The following SLCO1B3 variants were observed in gnomAD, a reference collection of about 807,000 sequenced individuals.
SLCO1B3 encodes solute carrier organic anion transporter family member 1B3, also known as liver-specific organic anion transporter 2.
A neutral mutation model predicts 71.8 loss-of-function variants in SLCO1B3; 72 were observed. The observed-to-expected ratio is 1.00, with a 90% CI of 0.83 to 1.22. The LOEUF (loss-of-function observed/expected upper bound fraction) is 1.22. Ranked by LOEUF, SLCO1B3 falls within the 50% of genes most tolerant of loss-of-function variation. The pLI, the probability that SLCO1B3 is intolerant of heterozygous loss-of-function variation, is 0.00. For missense variants in SLCO1B3, 911 were observed against 819.7 expected, an observed-to-expected ratio of 1.11 and a Z score of -1.36; for synonymous variants, 298 against 278.4, an observed-to-expected ratio of 1.07 and a Z score of -0.70.
chr12:20,879,203 C>CT (rs1418926193), intron 10 of SLCO1B3, among the ~76,000 whole-genome samples: 5 of 65,838 alleles, frequency 7.6e-5, no homozygotes, highest in Admixed American at 1.9e-4. Context: ...CCACCCTTCT[C>CT]TCTTTTTTTT....
intron 4 of SLCO1B3, among the ~76,000 whole-genome samples, chr12:20,855,910 GTCTA>G (rs1865125179): frequency 6.6e-6 from 1 of 151,632 alleles, no homozygotes. Context: ...CCACCAAATT[GTCTA>G]TTATATAGAC....
At chr12:20,866,711 G>T (rs954446290) in intron 8 of SLCO1B3, among the ~76,000 whole-genome samples, 1 of 132,520 alleles carries the variant, frequency 7.5e-6, no homozygotes, top group African/African-American at 2.6e-5. Context: ...TTTTTAATCC[G>T]ATGAAAGTGC....
At chr12:20,879,210 T>A (rs1255337783) in intron 10 of SLCO1B3, among the ~76,000 whole-genome samples, 1 of 141,908 alleles carries the variant, frequency 7.0e-6, no homozygotes, top group Non-Finnish European at 1.5e-5. Context: ...TCTCTCTTTT[T>A]TTTTTTTTTT....
At chr12:20,904,700 T>C (rs1165397444) in intron 15 of SLCO1B3, among the ~76,000 whole-genome samples, 1 of 150,558 alleles carries the variant, frequency 6.6e-6, no homozygotes, top group African/African-American at 2.5e-5. Context: ...TGCCCTAGTA[T>C]AGGTTTTTCA....
chr12:20,881,746 A>G (rs1591778778), intron 12 of SLCO1B3, among the ~76,000 whole-genome samples: 1 of 152,162 alleles, frequency 6.6e-6, no homozygotes, highest in Admixed American at 6.5e-5. Context: ...ATTGGAAATT[A>G]GGTATGCTGT....
intron 1 of SLCO1B3, among the ~76,000 whole-genome samples, chr12:20,812,855 G>A (rs11045524): frequency 0.24 from 36,133 of 151,930 alleles, 4,631 homozygotes; most frequent in Middle Eastern, 0.35. Context: ...AAGACTATCT[G>A]CCTTGCAAGT....
At position 20,916,350 on chromosome 12, in the gene SLCO1B3, C is replaced by T. The variant is rs926522870; in HGVS notation, c.*103C>T. 3 of 1,094,356 alleles carry T rather than the reference C, an allele frequency of 2.7e-6. No individual in the cohort carries two copies. The African/African-American group carries it at 4.7e-5, about 17-fold the overall frequency. 67.8% of individuals were successfully genotyped at this position (1,094,356 alleles called of 1,614,324 possible). The stretch of plus-strand genomic sequence containing the variant: ...CAGTGGACCAATGGATAAGTCTATG[C>T]ATCTATAATAAACTATAAAAAATGG... On this transcript the variant is annotated 3_prime_UTR_variant, in exon 16 of 16. Coordinates refer to ENST00000381545, the MANE Select transcript of SLCO1B3 (RefSeq NM_019844.4).
chr12:20,867,631 G>C (rs1411076617), intron 8 of SLCO1B3, among the ~76,000 whole-genome samples: 1 of 152,194 alleles, frequency 6.6e-6, no homozygotes, highest in Non-Finnish European at 1.5e-5. Context: ...TCTGGCAGAA[G>C]TGTTCTGATT....
chr12:20,876,109 A>G (rs1865573264), intron 9 of SLCO1B3, among the ~76,000 whole-genome samples: 1 of 151,514 alleles, frequency 6.6e-6, no homozygotes, highest in Middle Eastern at 3.5e-3. Flanking sequence ...ATATATACAT[A>G]TATAATCTTA....
chr12:20,856,720 C>G (rs573898464), intron 4 of SLCO1B3, among the ~76,000 whole-genome samples: 1 of 152,102 alleles, frequency 6.6e-6, no homozygotes, highest in Non-Finnish European at 1.5e-5. Flanking sequence ...CCACCACATC[C>G]GGCTAATTTT....
At position 20,916,449 on chromosome 12, in the gene SLCO1B3, TGA is replaced by T; in HGVS notation, c.*206_*207del. The T allele has an allele frequency of 2.2e-6, 1 of 454,600 alleles. No homozygotes were observed. Among genetic ancestry groups the T allele is most frequent in the Non-Finnish European group, 3.9e-6 (1 of 255,562 alleles). The allele number at this position is 454,600 out of a possible 1,614,324, so 28.2% of individuals were successfully genotyped here. ...ATATATGATCCATAAAAATTTAAAG[TGA>T]GAGGCATGGTTAGTGTGTGATACAA... On this transcript the variant is annotated 3_prime_UTR_variant, in exon 16 of 16. Coordinates refer to ENST00000381545, the MANE Select transcript of SLCO1B3 (RefSeq NM_019844.4).
intron 3 of SLCO1B3, among the ~76,000 whole-genome samples, chr12:20,827,454 GA>G (rs1864445928): frequency 6.6e-6 from 1 of 152,130 alleles, no homozygotes; most frequent in African/African-American, 2.4e-5. Context: ...TTTTAGTAGT[GA>G]AACGTACATG....
At chr12:20,855,259 T>G (rs964238291) in intron 4 of SLCO1B3, 90 bp downstream of exon 4, 12 of 1,136,584 alleles carry the variant, frequency 1.1e-5, no homozygotes, top group Non-Finnish European at 1.5e-5. Flanking sequence ...GGGTCTGGAC[T>G]AGGTGTAAAT....
At chr12:20,828,050 T>G (rs535071445) in intron 3 of SLCO1B3, among the ~76,000 whole-genome samples, 1 of 152,274 alleles carries the variant, frequency 6.6e-6, no homozygotes, top group East Asian at 1.9e-4. Context: ...TACCTTATGA[T>G]TGTATAGAAG....
In SLCO1B3 at chr12:20,877,768, AT is replaced by A; in HGVS notation, c.971-3del. On this transcript the variant is annotated splice_polypyrimidine_tract_variant and splice_region_variant and intron_variant, in intron 9 of 15. Transcript: ENST00000381545. ...TGAAATATGTTATTTTTATAACTCTATAGGTTTTTTCCAGTCTTTGAAAAGC... is the reference window on the plus strand; with the variant it reads ...TGAAATATGTTATTTTTATAACTCTAAGGTTTTTTCCAGTCTTTGAAAAGC... The A allele has an allele frequency of 7.4e-7, 1 of 1,345,540 alleles. No homozygotes were observed. The highest frequency in any genetic ancestry group is 9.9e-7 in the Non-Finnish European group (1 of 1,009,422). 83.4% of individuals were successfully genotyped at this position (1,345,540 alleles called of 1,614,324 possible). A position where few individuals can be genotyped will look rare whatever the true frequency, so the allele number is the denominator to read the frequency against.
Position 20,881,027 on chromosome 12 carries a change from A to T in SLCO1B3, c.1497+7A>T, listed in dbSNP as rs1273851780. On this transcript the variant is annotated splice_region_variant and intron_variant, in intron 12 of 15. Coordinates refer to ENST00000381545, the MANE Select transcript of SLCO1B3 (RefSeq NM_019844.4). ...TGGTATTAAAAAGCATACAGTGAGT[A>T]TTAGTTTTCACTTTTTCTCCTCTCC... 5.1e-6 allele frequency: 8 copies of T among 1,575,992 alleles called. No individual in the cohort carries two copies. The East Asian group carries it at 1.8e-4, about 36-fold the overall frequency.
chr12:20,912,836 T>G (rs1421959334), intron 15 of SLCO1B3, among the ~76,000 whole-genome samples: 2 of 145,702 alleles, frequency 1.4e-5, no homozygotes, highest in East Asian at 4.1e-4. Context: ...TTTTTTTTTT[T>G]TGTATTTTTG....
chr12:20,857,885 T>C (rs997019132), intron 4 of SLCO1B3, among the ~76,000 whole-genome samples: 1 of 152,138 alleles, frequency 6.6e-6, no homozygotes, highest in African/African-American at 2.4e-5. Context: ...ACATTACATC[T>C]CAAATAATGT....
intron 3 of SLCO1B3, among the ~76,000 whole-genome samples, chr12:20,842,130 G>A (rs1009713406): frequency 1.2e-4 from 18 of 152,170 alleles, no homozygotes; most frequent in East Asian, 5.8e-4. Context: ...TCCTGACCTC[G>A]TGATCCACCT....
Sources: allele counts gnomAD v4.1 joint callset (sites outside exome capture counted in the v4.1 genomes callset), GRCh38; gene constraint gnomAD v4.1.1; transcripts MANE v1.5; gene names NCBI Gene and HGNC (gene_info 2026-07-23, HGNC 2026-07-21).